Variants in ERICH1 observed in about 807,000 individuals in gnomAD.
The protein encoded by ERICH1 is glutamate-rich protein 1.
In ERICH1, 56 loss-of-function variants were observed where a neutral mutation model predicts 39.6. The observed-to-expected ratio is 1.41, with a 90% CI of 1.14 to 1.77. ERICH1 has a LOEUF of 1.77. Among genes scored for constraint, ERICH1 ranks in the 40% most tolerant of loss-of-function variants. ERICH1 has a pLI of 0.00. For missense variants in ERICH1, 826 were observed against 575.4 expected (o/e 1.44, Z -4.45); for synonymous variants, 313 against 223.6 (o/e 1.40, Z -3.57).
chr8:674,080 G>T, intron 3 of ERICH1, 33 bp from the exon 4 acceptor site: 5 of 1,507,058 alleles, frequency 3.3e-6, no homozygotes, highest in Non-Finnish European at 4.4e-6. Context: ...ACAATTTTCA[G>T]TACAATGAAA....
At chr8:620,083 G>A (rs185400181) in intron 3 of ERICH1, among the ~76,000 whole-genome samples, 2,015 of 152,320 alleles carry the variant, frequency 0.013, 32 homozygotes, top group African/African-American at 0.046. Context: ...GGAGGCCAAG[G>A]TGGGTGGATC....
rs1421520738 is a variant in ERICH1, at chr8:668,610, T to C, written c.1246A>G (p.Thr416Ala). 3 of 1,614,246 alleles carry C rather than the reference T, an allele frequency of 1.9e-6. No individual in the cohort carries two copies. The highest frequency in any genetic ancestry group is 3.3e-5 in the Admixed American group (2 of 60,026). Residue 416 changes from threonine to alanine, a missense_variant, in exon 5 of 6, where the codon ACG (threonine) becomes GCG (alanine). Transcript: ENST00000262109. Reference sequence around the variant, plus strand: ...GTACGGTACTTACCAGGAGGCATCGTGCAATGTTCTGGGAACATTTCCAGA... The same window carrying C: ...GTACGGTACTTACCAGGAGGCATCGCGCAATGTTCTGGGAACATTTCCAGA... Reference protein sequence around the residue: ...HALEMFPEHCTMPPDHARVIS... With the variant: ...HALEMFPEHCAMPPDHARVIS...
intron 4 of ERICH1, among the ~76,000 whole-genome samples, chr8:670,613 A>T (rs937842887): frequency 2.6e-5 from 4 of 152,146 alleles, no homozygotes; most frequent in Admixed American, 2.0e-4. Flanking sequence ...TCATCTCATC[A>T]GCACCTCAAG....
chr8:726,627 G>C (rs1310483215), intron 1 of ERICH1, among the ~76,000 whole-genome samples: 2 of 143,906 alleles, frequency 1.4e-5, no homozygotes, highest in Admixed American at 6.9e-5. Context: ...CATAGACACA[G>C]GTGAACACAC....
chr8:728,578 G>A (rs1819329400), intron 1 of ERICH1, among the ~76,000 whole-genome samples: 1 of 152,200 alleles, frequency 6.6e-6, no homozygotes, highest in Non-Finnish European at 1.5e-5. Context: ...CCCGACCTGA[G>A]CTAGCACTTA....
At position 668,733 on chromosome 8, in the gene ERICH1, G is replaced by A. The variant is rs765504989; in HGVS notation, c.1123C>T (p.Arg375Cys). The stretch of plus-strand genomic sequence containing the variant: ...GGCAGCATGCTGTGTGACGCAAGGC[G>A]GTCCAGCAGCTCCTCAGCGGCATCT... ...LADAAEELLD[R>C]LASHSMLPSD... Residue 375 changes from arginine to cysteine, a missense_variant, in exon 5 of 6, where the codon CGC (arginine) becomes TGC (cysteine). Arg to Cys is a radical substitution (Grantham distance 180, BLOSUM62 -3). Transcript: ENST00000262109. 1.1e-5 allele frequency: 17 copies of A among 1,613,664 alleles called. 1 individual carries two copies. The highest frequency in any genetic ancestry group is 4.5e-5 in the East Asian group (2 of 44,882).
intron 3 of ERICH1, chr8:641,278 T>C (rs1798947332): frequency 6.6e-6 from 1 of 152,218 alleles, no homozygotes; most frequent in Non-Finnish European, 1.5e-5. Flanking sequence ...CTGTGTGTAA[T>C]TAATAATGCC....
chr8:709,475 G>T (rs1814203681), intron 2 of ERICH1, among the ~76,000 whole-genome samples: 1 of 152,204 alleles, frequency 6.6e-6, no homozygotes, highest in African/African-American at 2.4e-5. Flanking sequence ...CAACTGTTCA[G>T]CAAAAGGCTC....
intron 3 of ERICH1, among the ~76,000 whole-genome samples, chr8:677,009 A>G (rs1300764916): frequency 6.6e-6 from 1 of 152,206 alleles, no homozygotes; most frequent in Non-Finnish European, 1.5e-5. Flanking sequence ...TTCCACAATG[A>G]AGCTCTTCAA....
intron 3 of ERICH1, among the ~76,000 whole-genome samples, chr8:674,382 A>T (rs1371894082): frequency 1.4e-5 from 2 of 144,602 alleles, no homozygotes; most frequent in Non-Finnish European, 3.0e-5. Context: ...GGCTCACTGC[A>T]ACCTCTGCCT....
rs192303897 is a variant in ERICH1 at position 703,596 on chromosome 8, A to C, written c.170-10984T>G. ...TAACTGAAGGCAAAGACTCCATAAG[A>C]TAAACAGGGAGGGAGAGCCTGTCCA... On this transcript the variant is annotated intron_variant, in intron 2 of 5. Transcript: ENST00000262109. Among the ~76,000 whole-genome samples the C allele has an allele frequency of 3.3e-5, 5 of 152,342 alleles. No homozygotes were observed. The East Asian group carries it at 9.7e-4, about 29-fold the overall frequency.
At chr8:703,570 A>G (rs1284400320) in intron 2 of ERICH1, among the ~76,000 whole-genome samples, 5 of 152,318 alleles carry the variant, frequency 3.3e-5, no homozygotes, top group African/African-American at 9.6e-5. Context: ...CCCAGGCACC[A>G]TAACTGAAGG....
chr8:707,883 C>G (rs1010550756), intron 2 of ERICH1, among the ~76,000 whole-genome samples: 1 of 152,126 alleles, frequency 6.6e-6, no homozygotes, highest in African/African-American at 2.4e-5. Flanking sequence ...AGAAAATATT[C>G]GCAAATCAGG....
At chr8:694,592 C>G (rs1354017726) in intron 2 of ERICH1, among the ~76,000 whole-genome samples, 1 of 152,198 alleles carries the variant, frequency 6.6e-6, no homozygotes, top group Non-Finnish European at 1.5e-5. Flanking sequence ...GGCTGCACTT[C>G]TAAGCCGCAA....
chr8:642,293 A>C (rs1195575501), intron 3 of ERICH1, among the ~76,000 whole-genome samples: 1 of 150,334 alleles, frequency 6.7e-6, no homozygotes, highest in African/African-American at 2.5e-5. Flanking sequence ...TAGCAGGGGA[A>C]CTGCTGCAAA....
chr8:630,273 A>AC (rs1215994085), intron 3 of ERICH1, among the ~76,000 whole-genome samples: 9 of 115,558 alleles, frequency 7.8e-5, no homozygotes, highest in Non-Finnish European at 1.3e-4. Flanking sequence ...GACCACCCAC[A>AC]GGCAGAGGTG....
intron 3 of ERICH1, among the ~76,000 whole-genome samples, chr8:641,367 A>G (rs1161358095): frequency 6.6e-6 from 1 of 152,260 alleles, no homozygotes; most frequent in Non-Finnish European, 1.5e-5. Flanking sequence ...AGCAGTGTTT[A>G]CAGGGCCTCA....
At chr8:721,406 G>A (rs1032503702) in intron 1 of ERICH1, among the ~76,000 whole-genome samples, 2 of 152,228 alleles carry the variant, frequency 1.3e-5, no homozygotes, top group East Asian at 1.9e-4. Context: ...AGAGATGAGA[G>A]CATGGAGGTT....
chr8:656,012 C>A (rs2131706762), intron 3 of ERICH1, among the ~76,000 whole-genome samples: 1 of 152,220 alleles, frequency 6.6e-6, no homozygotes, highest in Middle Eastern at 3.4e-3. Context: ...GATGCTGCTG[C>A]AGGGCTGTCT....
Sources: gnomAD v4.1 joint callset for allele counts (sites outside exome capture counted in the v4.1 genomes callset) on GRCh38, gnomAD v4.1.1 for gene constraint, MANE v1.5 for transcripts, NCBI Gene and HGNC (gene_info 2026-07-23, HGNC 2026-07-21) for gene names.